The following ECPAS variants were observed in gnomAD, a reference collection of about 807,000 sequenced individuals.
The protein encoded by ECPAS is Ecm29 proteasome adaptor and scaffold, also known as proteasome adapter and scaffold protein ECM29.
ECPAS carries 70 observed loss-of-function variants against 255.1 expected under a neutral mutation model. The observed-to-expected ratio is 0.27, with a 90% CI of 0.23 to 0.33. ECPAS has a LOEUF of 0.33. Ranked by LOEUF, ECPAS falls within the 10% of genes least tolerant of loss-of-function variation. The probability of loss-of-function intolerance (pLI) is 1.00; values close to 1 mark genes in which losing one functional copy is unlikely to be tolerated. For synonymous variants in ECPAS, 784 were observed against 775.0 expected (o/e 1.01, Z -0.19); for missense variants, 1,817 against 2,206.4 (o/e 0.82, Z 3.54).
chr9:111,375,544 T>A (rs1159854765), intron 37 of ECPAS, among the ~76,000 whole-genome samples: 1 of 152,194 alleles, frequency 6.6e-6, no homozygotes, highest in African/African-American at 2.4e-5. Context: ...TAAATATTGA[T>A]CTTCTACAGT....
In ECPAS at chr9:111,361,863, AATAAAGCTAATAAGGAACAAAATT is replaced by A. The variant is rs1165980728; in HGVS notation, c.*143_*166del. On this transcript the variant is annotated 3_prime_UTR_variant, in exon 50 of 50. Coordinates refer to ENST00000684092, the MANE Select transcript of ECPAS (RefSeq NM_001364929.1). ...CAGATACTTTAAAAACATAAAGTAA[AATAAAGCTAATAAGGAACAAAATT>A]TAAGGCTTTTTCTTTTTATTTCAGC... 1.3e-6 allele frequency: 1 copy of A among 760,576 alleles called. No homozygotes were observed. Among genetic ancestry groups the A allele is most frequent in the African/African-American group, 1.8e-5 (1 of 56,044 alleles). 47.1% of individuals were successfully genotyped at this position (760,576 alleles called of 1,614,324 possible).
intron 27 of ECPAS, 43 bp downstream of exon 27, chr9:111,393,637 T>C (rs768712735): frequency 2.4e-6 from 3 of 1,271,680 alleles, no homozygotes; most frequent in Non-Finnish European, 2.3e-6. Context: ...ACATTTAAAA[T>C]ACAAGTTCAA....
At chr9:111,391,948 A>C in intron 28 of ECPAS, 124 bp from the exon 29 acceptor site, 1 of 738,928 alleles carries the variant, frequency 1.4e-6, no homozygotes. Context: ...CAAGATATAA[A>C]AGTCCTTTCC....
At chr9:111,469,138 G>A (rs1363431665) in intron 2 of ECPAS, among the ~76,000 whole-genome samples, 1 of 152,196 alleles carries the variant, frequency 6.6e-6, no homozygotes, top group Non-Finnish European at 1.5e-5. Context: ...TTGGGAGGCT[G>A]AGGCAGGAGA....
chr9:111,447,321 T>C (rs1026847952), intron 3 of ECPAS, among the ~76,000 whole-genome samples: 5 of 152,106 alleles, frequency 3.3e-5, no homozygotes, highest in African/African-American at 1.2e-4. Flanking sequence ...AATGAGATCT[T>C]GCTATGTTGC....
chr9:111,414,399 G>GT, intron 19 of ECPAS, 30 bp downstream of exon 19: 14 of 1,579,712 alleles, frequency 8.9e-6, no homozygotes, highest in Non-Finnish European at 1.1e-5. Context: ...AAGTGCTTCA[G>GT]TATCTTTCCT....
chr9:111,440,785 G>C lies in ECPAS; in HGVS notation c.390-264C>G, dbSNP rs41416244. ...ATTACCTGAAAAAAATACATCAAAT[G>C]GGCTCAGTGTTAATATCTGAAGTTT... is the stretch of plus-strand genomic sequence containing the variant. On this transcript the variant is annotated intron_variant, in intron 5 of 49. Transcript: ENST00000684092. Among the ~76,000 whole-genome samples, 80 of 152,244 alleles carry C rather than the reference G, an allele frequency of 5.3e-4. 1 individual carries two copies. Among genetic ancestry groups the C allele is most frequent in the African/African-American group, 1.8e-3 (74 of 41,538 alleles).
chr9:111,371,927 G>GT, intron 42 of ECPAS, 98 bp from the exon 43 acceptor site: 1 of 875,470 alleles, frequency 1.1e-6, no homozygotes, highest in Non-Finnish European at 1.8e-6. Flanking sequence ...TCTAAAAGCA[G>GT]TGACTCTCAA....
intron 7 of ECPAS, among the ~76,000 whole-genome samples, chr9:111,435,930 C>T (rs142987181): frequency 0.059 from 8,804 of 149,304 alleles, 636 homozygotes; most frequent in African/African-American, 0.16. Context: ...CCTCATGATC[C>T]GCCCACTTTG....
At chr9:111,373,439 T>G (rs1198036724) in intron 39 of ECPAS, 33 bp from the exon 40 acceptor site, 1 of 1,575,376 alleles carries the variant, frequency 6.3e-7, no homozygotes, top group Non-Finnish European at 8.7e-7. Context: ...AATCTGATAC[T>G]TGGTTGACCA....
chr9:111,362,292 A>C, intron 49 of ECPAS, 123 bp from the exon 50 acceptor site: 3 of 714,140 alleles, frequency 4.2e-6, no homozygotes, highest in Non-Finnish European at 6.7e-6. Flanking sequence ...CCCCAAATAA[A>C]TGCAAAGCAA....
In ECPAS at chr9:111,431,328, C is replaced by T. The variant is rs541641908; in HGVS notation, c.849-700G>A. 2.6e-5 allele frequency among the ~76,000 whole-genome samples: 4 copies of T among 152,196 alleles called. No homozygotes were observed. The South Asian group carries it at 8.3e-4, about 32-fold the overall frequency. Reference sequence around the variant, plus strand: ...ATCCCAGCACTTTGGGAGGCCGAGGCGGGTGGATCACCTGAGGATAGGAGT... The same window carrying T: ...ATCCCAGCACTTTGGGAGGCCGAGGTGGGTGGATCACCTGAGGATAGGAGT... On this transcript the variant is annotated intron_variant, in intron 8 of 49. Transcript: ENST00000684092.
Position 111,414,969 on chromosome 9 carries a change from G to T in ECPAS, c.1765-318C>A, listed in dbSNP as rs548316782. ...ATACCACATGTTCTCACTTATAAGT[G>T]GGAGTTAGATGATAAGAACTTCTGA... On this transcript the variant is annotated intron_variant, in intron 18 of 49. Transcript: ENST00000684092. Among the ~76,000 whole-genome samples, 4 of 152,242 alleles carry T rather than the reference G, an allele frequency of 2.6e-5. No individual in the cohort carries two copies. The South Asian group carries it at 8.3e-4, about 32-fold the overall frequency.
At chr9:111,472,612 C>G (rs2098290142) in intron 2 of ECPAS, among the ~76,000 whole-genome samples, 1 of 151,310 alleles carries the variant, frequency 6.6e-6, no homozygotes, top group Admixed American at 6.6e-5. Flanking sequence ...TGCACTCCTG[C>G]CTGGACAACA....
chr9:111,379,036 G>A (rs1443364450), intron 35 of ECPAS, among the ~76,000 whole-genome samples: 1 of 152,180 alleles, frequency 6.6e-6, no homozygotes, highest in Non-Finnish European at 1.5e-5. Flanking sequence ...GGAATTTATA[G>A]TAGGCATGAA....
At chr9:111,462,654 T>A (rs1481941006) in intron 2 of ECPAS, among the ~76,000 whole-genome samples, 1 of 151,952 alleles carries the variant, frequency 6.6e-6, no homozygotes, top group East Asian at 1.9e-4. Context: ...TAATGAAACA[T>A]GTCATAGTCC....
At chr9:111,381,468 A>G (rs1442438945) in intron 35 of ECPAS, among the ~76,000 whole-genome samples, 1 of 152,224 alleles carries the variant, frequency 6.6e-6, no homozygotes, top group Admixed American at 6.5e-5. Flanking sequence ...GCAAAGTATG[A>G]AATACCGTGA....
In ECPAS at chr9:111,405,340, C is replaced by G. The variant is rs144192216; in HGVS notation, c.2652+3231G>C. On this transcript the variant is annotated intron_variant, in intron 24 of 49. Transcript: ENST00000684092. ...GGAACAGTCTCTTCAATAAGTTGTG[C>G]TGGAAAAACTAGATATCCACATGTA... is the stretch of plus-strand genomic sequence containing the variant. Among the ~76,000 whole-genome samples, 5 of 149,592 alleles carry G rather than the reference C, an allele frequency of 3.3e-5. 1 individual carries two copies. The highest frequency in any genetic ancestry group is 1.0e-4 in the African/African-American group (4 of 39,374).
chr9:111,383,099 G>T, intron 35 of ECPAS, 112 bp downstream of exon 35: 1 of 1,291,486 alleles, frequency 7.7e-7, no homozygotes, highest in Non-Finnish European at 1.1e-6. Context: ...TGACCCAAGG[G>T]TCATTCTCCT....
Sources: allele counts gnomAD v4.1 joint callset (sites outside exome capture counted in the v4.1 genomes callset), GRCh38; gene constraint gnomAD v4.1.1; transcripts MANE v1.5; gene names NCBI Gene and HGNC (gene_info 2026-07-23, HGNC 2026-07-21).